Variants in MAF observed in about 807,000 individuals in gnomAD.
MAF encodes transcription factor Maf.
Under a neutral mutation model 22.0 loss-of-function variants are expected in MAF, and 10 were observed. The ratio of observed to expected loss-of-function variants is 0.45; its 90% CI spans 0.28 to 0.77. The LOEUF is 0.77. MAF is among the 30% of genes least tolerant of loss of function. The pLI, the probability that MAF is intolerant of heterozygous loss-of-function variation, is 0.12. For missense variants in MAF, 544 were observed against 548.4 expected (o/e 0.99, Z 0.08); for synonymous variants, 337 against 255.8 (o/e 1.32, Z -3.03).
the MAF span, among the ~76,000 whole-genome samples, chr16:79,549,111 G>C: frequency 6.6e-6 from 1 of 152,186 alleles, no homozygotes; most frequent in Admixed American, 6.5e-5. Flanking sequence ...GATTAAATGA[G>C]CTAATGTATG....
chr16:79,325,598 AACACACACACACAC>A, the MAF span, among the ~76,000 whole-genome samples: 5,132 of 145,612 alleles, frequency 0.035, 315 homozygotes, highest in African/African-American at 0.12. Flanking sequence ...CCCAGACACA[AACACACACACACAC>A]ACACACACAC....
At chr16:79,206,564 A>C in the MAF span, 2 of 152,178 alleles carry the variant, frequency 1.3e-5, no homozygotes, top group Non-Finnish European at 2.9e-5. Flanking sequence ...CCTCTCAATA[A>C]ATGCTAGTCA....
chr16:79,395,562 T>C, the MAF span, among the ~76,000 whole-genome samples: 1 of 152,080 alleles, frequency 6.6e-6, no homozygotes, highest in Admixed American at 6.5e-5. Flanking sequence ...GAATGCCATA[T>C]GACGGGGGGC....
the MAF span, among the ~76,000 whole-genome samples, chr16:79,573,316 G>A: frequency 6.6e-6 from 1 of 152,164 alleles, no homozygotes; most frequent in African/African-American, 2.4e-5. Context: ...CAGCATTTGG[G>A]TTTTACATCA....
At chr16:79,210,806 G>A in the MAF span, among the ~76,000 whole-genome samples, 2 of 152,090 alleles carry the variant, frequency 1.3e-5, no homozygotes, top group Non-Finnish European at 2.9e-5. Context: ...CCTCATCACT[G>A]CACACGTCCC....
the MAF span, among the ~76,000 whole-genome samples, chr16:79,254,564 T>C: frequency 1.3e-5 from 2 of 152,222 alleles, no homozygotes; most frequent in Non-Finnish European, 2.9e-5. Flanking sequence ...GAGAAACATC[T>C]TAGAGATAGT....
At chr16:79,407,338 A>G in the MAF span, among the ~76,000 whole-genome samples, 1 of 152,302 alleles carries the variant, frequency 6.6e-6, no homozygotes, top group East Asian at 1.9e-4. Context: ...TAATTTAAGG[A>G]AACTACCAAA....
the MAF span, among the ~76,000 whole-genome samples, chr16:79,467,858 G>A: frequency 6.6e-6 from 1 of 151,956 alleles, no homozygotes; most frequent in Non-Finnish European, 1.5e-5. Flanking sequence ...AAGGGAGAGG[G>A]GGAGAAAGGA....
chr16:79,368,989 C>A, the MAF span, among the ~76,000 whole-genome samples: 173 of 152,334 alleles, frequency 1.1e-3, 1 homozygote, highest in African/African-American at 4.0e-3. Flanking sequence ...AGAGAACAGG[C>A]TCCGTGAGGG....
the MAF span, among the ~76,000 whole-genome samples, chr16:79,462,653 A>G: frequency 6.6e-6 from 1 of 152,152 alleles, no homozygotes; most frequent in Non-Finnish European, 1.5e-5. Flanking sequence ...ACACTCACAT[A>G]TAGATGTGCA....
At chr16:79,429,284 G>T in the MAF span, among the ~76,000 whole-genome samples, 1 of 152,136 alleles carries the variant, frequency 6.6e-6, no homozygotes, top group Non-Finnish European at 1.5e-5. Context: ...CCCTGCCCAT[G>T]GGTCTGCTAC....
chr16:79,334,925 A>G, the MAF span, among the ~76,000 whole-genome samples: 1 of 151,556 alleles, frequency 6.6e-6, no homozygotes, highest in African/African-American at 2.4e-5. Flanking sequence ...AGTGGCTCAC[A>G]CCTGTAATCC....
At chr16:79,396,362 G>A in the MAF span, among the ~76,000 whole-genome samples, 11 of 152,282 alleles carry the variant, frequency 7.2e-5, no homozygotes, top group East Asian at 1.9e-3. Flanking sequence ...AAGAAAAAAG[G>A]GGATGCTCAC....
chr16:79,590,588 G>C (rs1913136816), downstream of MAF, among the ~76,000 whole-genome samples: 1 of 152,130 alleles, frequency 6.6e-6, no homozygotes, highest in Non-Finnish European at 1.5e-5. Context: ...AGGTGGGAAG[G>C]GTGCAGACCC....
At chr16:79,344,622 A>G in the MAF span, among the ~76,000 whole-genome samples, 1 of 152,222 alleles carries the variant, frequency 6.6e-6, no homozygotes, top group Non-Finnish European at 1.5e-5. Context: ...CTATATAATA[A>G]GTATCCCAGA....
chr16:79,414,778 G>A, the MAF span, among the ~76,000 whole-genome samples: 8 of 152,216 alleles, frequency 5.3e-5, no homozygotes, highest in African/African-American at 1.9e-4. Context: ...ATTAGACTCT[G>A]TAATAACAAA....
chr16:79,565,760 T>G, the MAF span, among the ~76,000 whole-genome samples: 1 of 152,236 alleles, frequency 6.6e-6, no homozygotes, highest in Non-Finnish European at 1.5e-5. Context: ...GTCCCAGGTA[T>G]GTGTTTATTA....
the MAF span, among the ~76,000 whole-genome samples, chr16:79,421,105 T>A: frequency 6.6e-6 from 1 of 152,196 alleles, no homozygotes; most frequent in African/African-American, 2.4e-5. Context: ...TATTTTATTA[T>A]TAGCCGTTGT....
the MAF span, among the ~76,000 whole-genome samples, chr16:79,374,794 C>A: frequency 6.6e-6 from 1 of 152,198 alleles, no homozygotes; most frequent in Non-Finnish European, 1.5e-5. Flanking sequence ...TCTTTCCTCT[C>A]TGACTTTGTG....
Sources: gnomAD v4.1 joint callset for allele counts (sites outside exome capture counted in the v4.1 genomes callset) on GRCh38, gnomAD v4.1.1 for gene constraint, MANE v1.5 for transcripts, NCBI Gene and HGNC (gene_info 2026-07-23, HGNC 2026-07-21) for gene names.